CEP112: variants seen among roughly 807,000 people sequenced by gnomAD.
The protein encoded by CEP112 is centrosomal protein of 112 kDa.
CEP112 carries 127 observed loss-of-function variants against 153.0 expected under a neutral mutation model. The ratio of observed to expected loss-of-function variants is 0.83; its 90% confidence interval spans 0.72 to 0.96. The LOEUF is 0.96. Ranked by LOEUF, CEP112 falls within the 40% of genes least tolerant of loss-of-function variation. The pLI is 0.00. For synonymous variants in CEP112, 358 were observed against 374.4 expected, an observed-to-expected ratio of 0.96 and a Z score of 0.51; for missense variants, 1,089 against 1,101.2, an observed-to-expected ratio of 0.99 and a Z score of 0.16.
At chr17:66,047,942 A>C (rs2066280584) in intron 12 of CEP112, among the ~76,000 whole-genome samples, 1 of 152,202 alleles carries the variant, frequency 6.6e-6, no homozygotes. Context: ...CCCTTATGTC[A>C]AATGACATAG....
At chr17:65,741,028 A>T (rs2051103633) in intron 23 of CEP112, among the ~76,000 whole-genome samples, 1 of 152,198 alleles carries the variant, frequency 6.6e-6, no homozygotes, top group African/African-American at 2.4e-5. Flanking sequence ...CTCTCAAGTA[A>T]GACAGATTGT....
At chr17:66,129,867 T>G in intron 5 of CEP112, 44 bp from the exon 6 acceptor site, 2 of 1,175,688 alleles carry the variant, frequency 1.7e-6, no homozygotes, top group Non-Finnish European at 2.4e-6. Context: ...GAAGGAAAGA[T>G]GGAAGAAATA....
intron 21 of CEP112, among the ~76,000 whole-genome samples, chr17:65,779,848 C>A (rs1446823591): frequency 6.6e-6 from 1 of 151,980 alleles, no homozygotes; most frequent in African/African-American, 2.4e-5. Context: ...TTATCAATAC[C>A]CCTATTTACT....
chr17:65,806,064 A>C (rs928512974), intron 21 of CEP112, among the ~76,000 whole-genome samples: 5 of 152,196 alleles, frequency 3.3e-5, no homozygotes, highest in Admixed American at 3.3e-4. Context: ...GTTTGGTGAA[A>C]TCAAGACCCA....
intron 19 of CEP112, among the ~76,000 whole-genome samples, chr17:65,908,593 C>G (rs2060169110): frequency 6.6e-6 from 1 of 151,850 alleles, no homozygotes; most frequent in Non-Finnish European, 1.5e-5. Context: ...ACTCAGGAGG[C>G]TGAAGCAGAA....
At chr17:65,742,860 G>T (rs1165123238) in intron 23 of CEP112, among the ~76,000 whole-genome samples, 1 of 152,202 alleles carries the variant, frequency 6.6e-6, no homozygotes, top group African/African-American at 2.4e-5. Context: ...TGCCAAAAAT[G>T]ACTTTTTATG....
intron 20 of CEP112, among the ~76,000 whole-genome samples, chr17:65,892,101 T>A (rs2059488090): frequency 6.6e-6 from 1 of 152,196 alleles, no homozygotes; most frequent in Admixed American, 6.5e-5. Context: ...GGTACAGGAA[T>A]ACCCTTACGG....
At position 65,650,943 on chromosome 17, in the gene CEP112, T is replaced by A. The variant is rs8078769; in HGVS notation, c.2698-9878A>T. The stretch of plus-strand genomic sequence containing the variant: ...ATATATTTTTTATGTATATATATAT[T>A]TTATTTCCATAAGGTTTTTGGGGAA... On this transcript the variant is annotated intron_variant, in intron 24 of 26. Coordinates refer to ENST00000535342, the MANE Select transcript of CEP112 (RefSeq NM_001199165.4). Among the ~76,000 whole-genome samples the A allele has an allele frequency of 3.3e-3, 500 of 151,996 alleles. 2 individuals carry two copies. The highest frequency in any genetic ancestry group is 0.012 in the African/African-American group (478 of 41,476).
intron 21 of CEP112, among the ~76,000 whole-genome samples, chr17:65,832,644 C>A (rs543496819): frequency 2.6e-5 from 4 of 152,188 alleles, no homozygotes; most frequent in African/African-American, 9.6e-5. Context: ...CCTGCCAAGG[C>A]TGAACAAGGA....
At chr17:65,719,789 G>C (rs1156438842) in intron 23 of CEP112, among the ~76,000 whole-genome samples, 1 of 152,188 alleles carries the variant, frequency 6.6e-6, no homozygotes, top group Non-Finnish European at 1.5e-5. Flanking sequence ...CTGGTAGAGG[G>C]TGTGAGCAGC....
intron 19 of CEP112, among the ~76,000 whole-genome samples, chr17:65,919,942 G>A (rs569969416): frequency 2.8e-4 from 42 of 152,158 alleles, no homozygotes; most frequent in Admixed American, 4.6e-4. Context: ...TTCAGGTTCC[G>A]AATCCACCAC....
chr17:65,743,310 C>G (rs2051243083), intron 22 of CEP112, 93 bp from the exon 23 acceptor site: 3 of 943,210 alleles, frequency 3.2e-6, no homozygotes, highest in Non-Finnish European at 4.7e-6. Context: ...ATGGATTTGA[C>G]AAAACTCTAT....
intron 21 of CEP112, among the ~76,000 whole-genome samples, chr17:65,787,466 G>A (rs2054343194): frequency 6.6e-6 from 1 of 152,200 alleles, no homozygotes; most frequent in Non-Finnish European, 1.5e-5. Flanking sequence ...GTGGGTGACA[G>A]TGAGATCCTG....
intron 10 of CEP112, among the ~76,000 whole-genome samples, chr17:66,064,189 C>G (rs1348948627): frequency 6.6e-6 from 1 of 152,148 alleles, no homozygotes; most frequent in Non-Finnish European, 1.5e-5. Flanking sequence ...AAAGAGATTT[C>G]AACTTTTTAT....
At chr17:66,140,248 A>AT (rs776236924) in intron 4 of CEP112, among the ~76,000 whole-genome samples, 2 of 152,236 alleles carry the variant, frequency 1.3e-5, no homozygotes, top group Non-Finnish European at 2.9e-5. Context: ...AAAACTCAAT[A>AT]AATTCAGTAC....
chr17:65,990,263 T>C (rs2063548835), intron 17 of CEP112, among the ~76,000 whole-genome samples: 1 of 152,090 alleles, frequency 6.6e-6, no homozygotes. Context: ...CTTAAGTGAT[T>C]CTTCCCCTCA....
At chr17:65,672,213 C>T (rs371404101) in intron 24 of CEP112, among the ~76,000 whole-genome samples, 3 of 152,222 alleles carry the variant, frequency 2.0e-5, no homozygotes, top group African/African-American at 4.8e-5. Flanking sequence ...AAGAAATGTA[C>T]AACACATCCA....
intron 12 of CEP112, among the ~76,000 whole-genome samples, chr17:66,031,519 C>T (rs1194047264): frequency 1.4e-5 from 2 of 145,386 alleles, no homozygotes; most frequent in Non-Finnish European, 3.0e-5. Context: ...GGTCTCATAG[C>T]GCAATCTTGG....
At chr17:66,156,765 G>A (rs1265899573) in intron 4 of CEP112, among the ~76,000 whole-genome samples, 1 of 151,994 alleles carries the variant, frequency 6.6e-6, no homozygotes, top group East Asian at 1.9e-4. Context: ...AATTGATCAA[G>A]CGGAAGAAAG....
Sources: allele counts gnomAD v4.1 joint callset (sites outside exome capture counted in the v4.1 genomes callset), GRCh38; gene constraint gnomAD v4.1.1; transcripts MANE v1.5; gene names NCBI Gene and HGNC (gene_info 2026-07-23, HGNC 2026-07-21).